CNTNAP2: variants seen among roughly 807,000 people sequenced by gnomAD.
CNTNAP2 encodes the protein contactin-associated protein-like 2.
A neutral mutation model predicts 155.2 loss-of-function variants in CNTNAP2; 98 were observed. The observed-to-expected ratio is 0.63, with a 90% confidence interval of 0.54 to 0.75. The LOEUF is 0.75. CNTNAP2 is among the 30% of genes least tolerant of loss of function. CNTNAP2 has a pLI of 0.00. For synonymous variants in CNTNAP2, 651 were observed against 631.2 expected (o/e 1.03, Z -0.47); for missense variants, 1,727 against 1,688.1 (o/e 1.02, Z -0.40).
At chr7:148,018,249 C>T (rs746728983) in intron 15 of CNTNAP2, among the ~76,000 whole-genome samples, 5 of 152,210 alleles carry the variant, frequency 3.3e-5, no homozygotes, top group Non-Finnish European at 7.3e-5. Flanking sequence ...TTGAGGTGTT[C>T]ATCCCAGGTG....
At chr7:147,521,545 T>C (rs920595527) in intron 11 of CNTNAP2, among the ~76,000 whole-genome samples, 3 of 152,206 alleles carry the variant, frequency 2.0e-5, no homozygotes, top group Non-Finnish European at 4.4e-5. Flanking sequence ...CCAAGGTGTT[T>C]CCCATGTGGA....
chr7:146,737,820 C>G (rs779139840), intron 1 of CNTNAP2, among the ~76,000 whole-genome samples: 13 of 151,958 alleles, frequency 8.6e-5, no homozygotes, highest in Non-Finnish European at 1.9e-4. Context: ...GATAACACTT[C>G]GTTCTTTTTT....
At chr7:147,621,000 A>G (rs936655918) in intron 12 of CNTNAP2, among the ~76,000 whole-genome samples, 4 of 152,212 alleles carry the variant, frequency 2.6e-5, no homozygotes, top group African/African-American at 9.6e-5. Flanking sequence ...AGAAGCATAT[A>G]GCAGGCAATG....
At chr7:146,905,554 G>C (rs969152830) in intron 3 of CNTNAP2, among the ~76,000 whole-genome samples, 3 of 152,080 alleles carry the variant, frequency 2.0e-5, no homozygotes, top group Non-Finnish European at 4.4e-5. Flanking sequence ...ATAGAATTTA[G>C]AAAATATTTT....
At chr7:147,587,890 T>A (rs1394140269) in intron 12 of CNTNAP2, among the ~76,000 whole-genome samples, 1 of 152,164 alleles carries the variant, frequency 6.6e-6, no homozygotes, top group Non-Finnish European at 1.5e-5. Context: ...GTATATTATG[T>A]TAGAAGCCAG....
At chr7:146,417,669 G>A (rs1795957032) in intron 1 of CNTNAP2, among the ~76,000 whole-genome samples, 1 of 151,804 alleles carries the variant, frequency 6.6e-6, no homozygotes, top group Non-Finnish European at 1.5e-5. Context: ...CTGTGTTTTT[G>A]GTGTTGGCAT....
chr7:147,586,939 G>A (rs1800639412), intron 12 of CNTNAP2, among the ~76,000 whole-genome samples: 1 of 152,142 alleles, frequency 6.6e-6, no homozygotes, highest in South Asian at 2.1e-4. Context: ...TCCAGCCACT[G>A]TCTTTTAAAA....
chr7:148,132,780 G>A (rs1212580674), intron 16 of CNTNAP2, among the ~76,000 whole-genome samples: 2 of 152,160 alleles, frequency 1.3e-5, no homozygotes, highest in African/African-American at 2.4e-5. Flanking sequence ...TCATTTTGGT[G>A]GGTTAGTAAA....
intron 1 of CNTNAP2, among the ~76,000 whole-genome samples, chr7:146,416,218 A>C (rs2129112287): frequency 6.6e-6 from 1 of 151,380 alleles, no homozygotes; most frequent in South Asian, 2.1e-4. Context: ...TGTTAATGTT[A>C]TTGTATTGTC....
intron 14 of CNTNAP2, among the ~76,000 whole-genome samples, chr7:147,970,116 G>GA (rs1196986356): frequency 6.6e-6 from 1 of 151,544 alleles, no homozygotes; most frequent in African/African-American, 2.4e-5. Flanking sequence ...TTTTTATAGA[G>GA]ACAGGGTCTC....
At chr7:147,339,382 ACTT>A (rs1211508196) in intron 9 of CNTNAP2, among the ~76,000 whole-genome samples, 2 of 151,810 alleles carry the variant, frequency 1.3e-5, no homozygotes, top group East Asian at 3.9e-4. Flanking sequence ...AAAGAATATG[ACTT>A]CTTCTTTCAT....
At chr7:146,480,384 A>G (rs1796941121) in intron 1 of CNTNAP2, among the ~76,000 whole-genome samples, 1 of 152,134 alleles carries the variant, frequency 6.6e-6, no homozygotes, top group Non-Finnish European at 1.5e-5. Flanking sequence ...TATGATTTCA[A>G]TAGGTCGCAA....
intron 10 of CNTNAP2, among the ~76,000 whole-genome samples, chr7:147,469,008 AG>A (rs1335605908): frequency 1.3e-5 from 2 of 152,048 alleles, no homozygotes; most frequent in South Asian, 2.1e-4. Context: ...TTTTTAGTAG[AG>A]ATGGGGTTTC....
chr7:147,735,474 G>A (rs1443724949), intron 13 of CNTNAP2, among the ~76,000 whole-genome samples: 2 of 152,166 alleles, frequency 1.3e-5, no homozygotes, highest in East Asian at 1.9e-4. Context: ...AGTGCAGTGT[G>A]GTGCTGAGAA....
intron 4 of CNTNAP2, among the ~76,000 whole-genome samples, chr7:147,105,381 A>G (rs1162036144): frequency 6.6e-6 from 1 of 151,996 alleles, no homozygotes; most frequent in Non-Finnish European, 1.5e-5. Context: ...GATTGCTTAA[A>G]CAGTTCAACC....
intron 14 of CNTNAP2, among the ~76,000 whole-genome samples, chr7:147,936,772 CA>C (rs1800617135): frequency 6.6e-6 from 1 of 152,120 alleles, no homozygotes; most frequent in Non-Finnish European, 1.5e-5. Flanking sequence ...ACTCAAACAC[CA>C]ATTTTAGGGA....
intron 3 of CNTNAP2, among the ~76,000 whole-genome samples, chr7:146,881,385 T>C (rs1795547357): frequency 6.6e-6 from 1 of 152,166 alleles, no homozygotes; most frequent in Admixed American, 6.6e-5. Flanking sequence ...AATATTTTCA[T>C]CAAATACAGT....
At chr7:147,892,857 G>T (rs1799716335) in intron 13 of CNTNAP2, among the ~76,000 whole-genome samples, 1 of 152,126 alleles carries the variant, frequency 6.6e-6, no homozygotes, top group African/African-American at 2.4e-5. Flanking sequence ...AAAATCCAGT[G>T]TAATTCTAAA....
At chr7:147,599,687 G>A (rs913835032) in intron 12 of CNTNAP2, among the ~76,000 whole-genome samples, 2 of 152,032 alleles carry the variant, frequency 1.3e-5, no homozygotes, top group African/African-American at 4.8e-5. Context: ...GCATGTCACT[G>A]CATCCCTCCC....
Sources: allele counts gnomAD v4.1 joint callset (sites outside exome capture counted in the v4.1 genomes callset), GRCh38; gene constraint gnomAD v4.1.1; transcripts MANE v1.5; gene names NCBI Gene and HGNC (gene_info 2026-07-23, HGNC 2026-07-21).